XIST: variants seen among roughly 807,000 people sequenced by gnomAD.
XIST encodes the protein X inactive specific transcript (non-protein coding).
In XIST at chrX:73,847,379, A is replaced by G. The variant is rs759733509; in HGVS notation, n.5345T>C. ...GCTTTGCCAAGGAGGTGTGAGGGGGATGGGATTCCAGGGCAATTGTCTTAC... is the reference window on the plus strand; with the variant it reads ...GCTTTGCCAAGGAGGTGTGAGGGGGGTGGGATTCCAGGGCAATTGTCTTAC... On this transcript the variant is annotated non_coding_transcript_exon_variant, in exon 1 of 6. Transcript: ENST00000429829. 7.0e-5 allele frequency: 36 copies of G among 511,620 alleles called. 1 individual carries two copies. The South Asian group carries it at 8.4e-4, about 12-fold the overall frequency. 42.2% of individuals were successfully genotyped at this position (511,620 alleles called of 1,213,427 possible). A position where few individuals can be genotyped will look rare whatever the true frequency, so the allele number is the denominator to read the frequency against.
chrX:73,840,015 G>T lies in XIST; in HGVS notation n.11342+1367C>A, dbSNP rs753166164. On this transcript the variant is annotated intron_variant and non_coding_transcript_variant, in intron 1 of 5. Transcript: ENST00000429829. ...ATTGGGGTGATAACCCTGGGGATTT[G>T]TGAATATATTCTAATGGATCCCCAA... 9.0e-5 allele frequency among the ~76,000 whole-genome samples: 10 copies of T among 111,422 alleles called. No individual in the cohort carries two copies. In the East Asian group the frequency reaches 2.2e-3, roughly 25 times the overall value.
exon 1 of XIST, chrX:73,850,579 C>G: frequency 1.8e-6 from 1 of 544,965 alleles, no homozygotes; most frequent in Non-Finnish European, 3.3e-6. Context: ...GGCCAACGAT[C>G]ATCTGTGATC....
exon 1 of XIST, chrX:73,841,569 TGTGCC>T: frequency 1.8e-6 from 1 of 558,990 alleles, no homozygotes; most frequent in Non-Finnish European, 3.2e-6. Context: ...TACATAATCC[TGTGCC>T]ACAAAACACC....
exon 6 of XIST, chrX:73,821,886 A>G (rs755736304): frequency 1.8e-6 from 1 of 553,983 alleles, no homozygotes; most frequent in Non-Finnish European, 3.3e-6. Flanking sequence ...GCCCTTCTTG[A>G]GCAGATTTGA....
exon 1 of XIST, chrX:73,846,828 C>T (rs201937579): frequency 7.7e-5 from 43 of 557,625 alleles, no homozygotes; most frequent in Middle Eastern, 6.2e-4. Context: ...GGCACATTAA[C>T]AGTTTGAGAA....
At chrX:73,846,443 G>T in exon 1 of XIST, 1 of 557,881 alleles carries the variant, frequency 1.8e-6, no homozygotes, top group Non-Finnish European at 3.2e-6. Context: ...GATCCCAGAC[G>T]ATTATAATCA....
chrX:73,826,934 T>A (rs777703393), exon 6 of XIST: 1 of 556,762 alleles, frequency 1.8e-6, no homozygotes, highest in African/African-American at 2.2e-5. Flanking sequence ...GAGACTTCCA[T>A]CCAACTCAGG....
intron 4 of XIST, among the ~76,000 whole-genome samples, chrX:73,830,909 C>T (rs934533463): frequency 8.9e-6 from 1 of 112,103 alleles, no homozygotes; most frequent in African/African-American, 3.2e-5. Flanking sequence ...AATCTCACAC[C>T]CAGTTGCTTC....
In XIST at chrX:73,846,740, G is replaced by A. The variant is rs758166279; in HGVS notation, n.5984C>T. 5.9e-5 allele frequency: 33 copies of A among 557,484 alleles called. No homozygotes were observed. The South Asian group carries it at 7.1e-4, about 12-fold the overall frequency. The allele number at this position is 557,484 out of a possible 1,213,427, so 45.9% of individuals were successfully genotyped here. On this transcript the variant is annotated non_coding_transcript_exon_variant, in exon 1 of 6. Coordinates refer to ENST00000429829, the Ensembl canonical transcript of XIST. ...CGACAAATACAATCACACATATTGGGAGGCCAAGAAATGGGGCCTTAGGTG... is the reference window on the plus strand; with the variant it reads ...CGACAAATACAATCACACATATTGGAAGGCCAAGAAATGGGGCCTTAGGTG...
rs373540482 is a variant in XIST at position 73,850,141 on chromosome X, A to C, written n.2583T>G. ...TAAACCTTCAAACACTCTTTTTTAC[A>C]TTAGGTCATGAAGTTAAATTTTTTA... On this transcript the variant is annotated non_coding_transcript_exon_variant, in exon 1 of 6. Coordinates refer to ENST00000429829, the Ensembl canonical transcript of XIST. 5.6e-5 allele frequency: 31 copies of C among 556,647 alleles called. No individual in the cohort carries two copies. In the African/African-American group the frequency reaches 7.0e-4, roughly 12 times the overall value. 45.9% of individuals were successfully genotyped at this position (556,647 alleles called of 1,213,427 possible). A position where few individuals can be genotyped will look rare whatever the true frequency, so the allele number is the denominator to read the frequency against.
chrX:73,845,339 T>G lies in XIST; in HGVS notation n.7385A>C, dbSNP rs780633367. The G allele has an allele frequency of 9.0e-6, 5 of 555,233 alleles. No homozygotes were observed. In the East Asian group the frequency reaches 1.6e-4, roughly 18 times the overall value. The allele number at this position is 555,233 out of a possible 1,213,427, so 45.8% of individuals were successfully genotyped here. A position where few individuals can be genotyped will look rare whatever the true frequency, so the allele number is the denominator to read the frequency against. On this transcript the variant is annotated non_coding_transcript_exon_variant, in exon 1 of 6. Coordinates refer to ENST00000429829, the Ensembl canonical transcript of XIST. ...TTGGTGATCAGCACCCCTGCTGTAC[T>G]GCAAAAAGGGTCTGAGAGTAGGACC...
At chrX:73,844,187 G>T (rs1474659488) in exon 1 of XIST, 6 of 556,698 alleles carry the variant, frequency 1.1e-5, no homozygotes, top group Non-Finnish European at 1.9e-5. Flanking sequence ...GGGACTTAGG[G>T]GGTCAGCAAC....
chrX:73,836,155 G>A (rs1010423580), intron 2 of XIST, among the ~76,000 whole-genome samples: 14 of 111,021 alleles, frequency 1.3e-4, no homozygotes, highest in African/African-American at 4.3e-4. Context: ...AGAAAAAAAC[G>A]GAAAGAAGAA....
exon 6 of XIST, chrX:73,827,367 T>C (rs767152670): frequency 3.2e-5 from 18 of 555,619 alleles, no homozygotes; most frequent in African/African-American, 4.5e-5. Flanking sequence ...GAGAGGGAGA[T>C]AGATTCATGA....
exon 6 of XIST, chrX:73,827,639 C>T: frequency 1.8e-6 from 1 of 549,338 alleles, no homozygotes; most frequent in Middle Eastern, 3.1e-4. Flanking sequence ...GAAGGGGTAA[C>T]AAATAATCAC....
At chrX:73,825,060 T>C (rs751949445) in exon 6 of XIST, 129 of 513,213 alleles carry the variant, frequency 2.5e-4, no homozygotes, top group Non-Finnish European at 2.4e-4. Context: ...TATGCACCTT[T>C]CTGAAATTTT....
intron 2 of XIST, among the ~76,000 whole-genome samples, chrX:73,835,494 A>G (rs945080022): frequency 8.9e-5 from 10 of 112,209 alleles, no homozygotes; most frequent in African/African-American, 2.9e-4. Flanking sequence ...CTATAATACT[A>G]TAATAGTAGT....
At chrX:73,845,033 A>G in exon 1 of XIST, 1 of 557,174 alleles carries the variant, frequency 1.8e-6, no homozygotes, top group Non-Finnish European at 3.2e-6. Flanking sequence ...CTTGGTTATC[A>G]GCACACCTAC....
At chrX:73,851,174 T>A (rs749312020) in exon 1 of XIST, 1 of 557,950 alleles carries the variant, frequency 1.8e-6, no homozygotes, top group African/African-American at 2.2e-5. Flanking sequence ...CCACCTTTTC[T>A]CCCGCTCTGC....
Sources: allele counts gnomAD v4.1 joint callset (sites outside exome capture counted in the v4.1 genomes callset), GRCh38; gene constraint gnomAD v4.1.1; transcripts MANE v1.5; gene names NCBI Gene and HGNC (gene_info 2026-07-23, HGNC 2026-07-21).